ACSS3: variants seen among roughly 807,000 people sequenced by gnomAD.
ACSS3 encodes the protein acyl-CoA synthetase short chain family member 3.
In ACSS3, 64 loss-of-function variants were observed where a neutral mutation model predicts 84.2. The ratio of observed to expected loss-of-function variants is 0.76; its 90% CI spans 0.62 to 0.94. The LOEUF (loss-of-function observed/expected upper bound fraction) is 0.94. ACSS3 is among the 40% of genes least tolerant of loss of function. The pLI is 0.00. For missense variants in ACSS3, 815 were observed against 867.6 expected (o/e 0.94, Z 0.76); for synonymous variants, 317 against 310.1 (o/e 1.02, Z -0.23).
At chr12:81,112,773 A>C (rs1469650302) in intron 2 of ACSS3, among the ~76,000 whole-genome samples, 1 of 152,156 alleles carries the variant, frequency 6.6e-6, no homozygotes, top group African/African-American at 2.4e-5. Context: ...GCCTTTGTAC[A>C]TTACTTGTTT....
chr12:81,130,271 A>T (rs1046859846), intron 2 of ACSS3, among the ~76,000 whole-genome samples: 4 of 152,168 alleles, frequency 2.6e-5, no homozygotes, highest in Admixed American at 1.3e-4. Context: ...ATTTCTCCAC[A>T]TCCTGTCCAG....
chr12:81,143,011 A>G, intron 4 of ACSS3, 96 bp from the exon 5 acceptor site: 2 of 1,184,836 alleles, frequency 1.7e-6, no homozygotes, highest in African/African-American at 1.6e-5. Context: ...CTAGATTTTC[A>G]GTCAGATGCT....
In ACSS3 at chr12:81,214,721, C is replaced by A. The variant is rs112222141; in HGVS notation, c.1355-2180C>A. Among the ~76,000 whole-genome samples, 52 of 152,278 alleles carry A rather than the reference C, an allele frequency of 3.4e-4. 1 individual carries two copies. Among genetic ancestry groups the A allele is most frequent in the African/African-American group, 1.2e-3 (49 of 41,562 alleles). ...CTCTCACCTTCTTTTCCTACATCCC[C>A]CTTCTCCCAGTGCGATAGGAACAAC... is the stretch of plus-strand genomic sequence containing the variant. On this transcript the variant is annotated intron_variant, in intron 9 of 15. Coordinates refer to ENST00000548058, the MANE Select transcript of ACSS3 (RefSeq NM_024560.4).
At chr12:81,179,429 C>T (rs1035236964) in intron 8 of ACSS3, among the ~76,000 whole-genome samples, 4 of 151,818 alleles carry the variant, frequency 2.6e-5, no homozygotes, top group African/African-American at 7.3e-5. Flanking sequence ...GCCAACTACG[C>T]GTCAGAGAAA....
At chr12:81,211,059 C>T (rs1451067649) in intron 9 of ACSS3, among the ~76,000 whole-genome samples, 1 of 152,106 alleles carries the variant, frequency 6.6e-6, no homozygotes, top group African/African-American at 2.4e-5. Context: ...ATTGAGTTCA[C>T]AGACTCAAGT....
intron 8 of ACSS3, among the ~76,000 whole-genome samples, chr12:81,187,083 G>A (rs1467725302): frequency 6.6e-6 from 1 of 151,712 alleles, no homozygotes; most frequent in Non-Finnish European, 1.5e-5. Context: ...GAGACACTAC[G>A]TTGTTAAATA....
At chr12:81,198,167 C>G (rs191534645) in intron 8 of ACSS3, among the ~76,000 whole-genome samples, 3 of 152,242 alleles carry the variant, frequency 2.0e-5, no homozygotes, top group African/African-American at 2.4e-5. Flanking sequence ...GTTAATTTTG[C>G]TAACTCCCCA....
At chr12:81,199,258 G>T in intron 8 of ACSS3, 83 bp from the exon 9 acceptor site, 1 of 1,221,468 alleles carries the variant, frequency 8.2e-7, no homozygotes. Flanking sequence ...AATGAGTGTG[G>T]TTAACCAATG....
intron 7 of ACSS3, among the ~76,000 whole-genome samples, chr12:81,154,917 A>G (rs1886787517): frequency 6.6e-6 from 1 of 150,928 alleles, no homozygotes; most frequent in Admixed American, 6.6e-5. Flanking sequence ...GTTAACTCCT[A>G]CTCTCCTTGT....
intron 9 of ACSS3, 36 bp from the exon 10 acceptor site, chr12:81,216,864 TA>T (rs772796960): frequency 6.4e-7 from 1 of 1,551,434 alleles, no homozygotes; most frequent in Admixed American, 1.7e-5. Flanking sequence ...GATTCCAAGT[TA>T]AAACATGAAG....
intron 7 of ACSS3, among the ~76,000 whole-genome samples, chr12:81,168,974 C>T (rs1336314736): frequency 6.6e-6 from 1 of 152,196 alleles, no homozygotes; most frequent in African/African-American, 2.4e-5. Context: ...ATTAGAATTA[C>T]TTGGCTGCAG....
intron 9 of ACSS3, among the ~76,000 whole-genome samples, chr12:81,210,978 T>G (rs149083427): frequency 1.5e-3 from 223 of 152,276 alleles, no homozygotes; most frequent in Non-Finnish European, 1.4e-3. Context: ...TAATTAATTT[T>G]CCATTGTTGT....
intron 13 of ACSS3, among the ~76,000 whole-genome samples, chr12:81,241,428 T>A (rs2135991652): frequency 6.6e-6 from 1 of 152,278 alleles, no homozygotes; most frequent in East Asian, 1.9e-4. Flanking sequence ...TCCACAATGG[T>A]TGAACTAGTT....
intron 2 of ACSS3, among the ~76,000 whole-genome samples, chr12:81,122,024 C>T (rs1884659358): frequency 6.6e-6 from 1 of 151,796 alleles, no homozygotes; most frequent in South Asian, 2.1e-4. Context: ...GCCTCCACCT[C>T]CCGGTTCAGG....
intron 9 of ACSS3, among the ~76,000 whole-genome samples, chr12:81,201,039 GTT>G (rs1204451861): frequency 6.6e-6 from 1 of 152,082 alleles, no homozygotes; most frequent in Non-Finnish European, 1.5e-5. Flanking sequence ...ATTCCTTCCA[GTT>G]TTATTTACTA....
chr12:81,082,234 G>A (rs941672813), intron 1 of ACSS3, among the ~76,000 whole-genome samples: 6 of 152,088 alleles, frequency 3.9e-5, no homozygotes, highest in African/African-American at 1.2e-4. Context: ...TTGCCTTTTG[G>A]AATCCCCAGT....
At position 81,129,950 on chromosome 12, in the gene ACSS3, T is replaced by TGA. The variant is rs553788225; in HGVS notation, c.457-4865_457-4864dup. 2.9e-3 allele frequency among the ~76,000 whole-genome samples: 440 copies of TGA among 152,262 alleles called. 2 individuals carry two copies. Among genetic ancestry groups the TGA allele is most frequent in the African/African-American group, 0.01 (427 of 41,548 alleles). On this transcript the variant is annotated intron_variant, in intron 2 of 15. Transcript: ENST00000548058. ...TTCATCCATGCCCCTACAAAGGACATGAACTCATCCTTTTTTATGGCTGCA... is the reference window on the plus strand; with the variant it reads ...TTCATCCATGCCCCTACAAAGGACATGAGAACTCATCCTTTTTTATGGCTGCA...
At position 81,078,417 on chromosome 12, in the gene ACSS3, G is replaced by T. The variant is rs1379383557; in HGVS notation, c.297G>T (p.Ser99=). 6.2e-7 allele frequency: 1 copy of T among 1,612,340 alleles called. No individual in the cohort carries two copies. The highest frequency in any genetic ancestry group is 1.1e-5 in the South Asian group (1 of 91,056). ...PWTKTLENKH[S]PSTRWFVEGM... is the part of the protein sequence containing the mutation. Reference sequence around the variant, plus strand: ...CCAAAACGCTGGAGAACAAACACTCGCCCTCTACCAGGTGGTGAGTGACTT... The same window carrying T: ...CCAAAACGCTGGAGAACAAACACTCTCCCTCTACCAGGTGGTGAGTGACTT... The change falls in exon 1 of 16, where the codon TCG becomes TCT. Residue 99 remains serine (S), a synonymous_variant. Transcript: ENST00000548058.
chr12:81,162,269 A>C (rs1887189735), intron 7 of ACSS3, among the ~76,000 whole-genome samples: 1 of 152,108 alleles, frequency 6.6e-6, no homozygotes, highest in Admixed American at 6.5e-5. Flanking sequence ...GCAAGAGGAG[A>C]CCTGGAGAGG....
Sources: allele counts gnomAD v4.1 joint callset (sites outside exome capture counted in the v4.1 genomes callset), GRCh38; gene constraint gnomAD v4.1.1; transcripts MANE v1.5; gene names NCBI Gene and HGNC (gene_info 2026-07-23, HGNC 2026-07-21).